Variants in LDLRAD4 observed in about 807,000 individuals in gnomAD.
LDLRAD4 encodes the protein low-density lipoprotein receptor class A domain-containing protein 4.
LDLRAD4 carries 5 observed loss-of-function variants against 17.0 expected under a neutral mutation model. That is an observed-to-expected ratio of 0.29 (90% confidence interval 0.15 to 0.62). The LOEUF is 0.62. Among genes scored for constraint, LDLRAD4 ranks in the 20% least tolerant of loss-of-function variants. LDLRAD4 has a pLI of 0.84. For missense variants in LDLRAD4, 340 were observed against 424.7 expected, an observed-to-expected ratio of 0.80 and a Z score of 1.75; for synonymous variants, 168 against 171.8, an observed-to-expected ratio of 0.98 and a Z score of 0.17.
intron 2 of LDLRAD4, among the ~76,000 whole-genome samples, chr18:13,413,364 C>T (rs770385586): frequency 3.9e-5 from 6 of 152,228 alleles, no homozygotes; most frequent in African/African-American, 7.2e-5. Context: ...TGTGTTTAAG[C>T]TGATAGAGAA....
intron 1 of LDLRAD4, among the ~76,000 whole-genome samples, chr18:13,299,126 G>A (rs78052932): frequency 0.14 from 21,106 of 152,174 alleles, 1,594 homozygotes; most frequent in South Asian, 0.19. Context: ...GTGTGAGATC[G>A]GAGCACCCTT....
At chr18:13,518,189 T>C (rs578163016) in intron 3 of LDLRAD4, among the ~76,000 whole-genome samples, 1 of 152,340 alleles carries the variant, frequency 6.6e-6, no homozygotes, top group African/African-American at 2.4e-5. Flanking sequence ...CCTCTTGTGA[T>C]GAGTTGTGGG....
At chr18:13,329,610 G>T (rs933147861) in intron 1 of LDLRAD4, among the ~76,000 whole-genome samples, 3 of 152,138 alleles carry the variant, frequency 2.0e-5, no homozygotes, top group Admixed American at 6.5e-5. Flanking sequence ...AATTCTTCCA[G>T]GTATTCTATT....
At position 13,612,038 on chromosome 18, in the gene LDLRAD4, G is replaced by A. The variant is rs887081497; in HGVS notation, c.182-9079G>A. On this transcript the variant is annotated intron_variant, in intron 3 of 5. Coordinates refer to ENST00000359446, the Ensembl canonical transcript of LDLRAD4. Reference sequence around the variant, plus strand: ...AGAAGCACGCGAGCCTAACGTGAGCGTCCCGCCTGTCGCGTGTCCTGCCTT... The same window carrying A: ...AGAAGCACGCGAGCCTAACGTGAGCATCCCGCCTGTCGCGTGTCCTGCCTT... The A allele has an allele frequency of 1.4e-5, 14 of 985,396 alleles. No homozygotes were observed. The African/African-American group carries it at 1.6e-4, about 11-fold the overall frequency. The allele number at this position is 985,396 out of a possible 1,614,324, so 61.0% of individuals were successfully genotyped here.
At chr18:13,277,610 G>T (rs2044967069), upstream of LDLRAD4, among the ~76,000 whole-genome samples, 1 of 152,266 alleles carries the variant, frequency 6.6e-6, no homozygotes, top group African/African-American at 2.4e-5. Flanking sequence ...TAGAGGGCTT[G>T]CCTCTTCCAT....
At chr18:13,581,543 T>C (rs2094857729) in intron 3 of LDLRAD4, among the ~76,000 whole-genome samples, 1 of 152,224 alleles carries the variant, frequency 6.6e-6, no homozygotes, top group Non-Finnish European at 1.5e-5. Flanking sequence ...AAACTAGAGA[T>C]CATCCAGCTA....
intron 1 of LDLRAD4, among the ~76,000 whole-genome samples, chr18:13,252,292 C>G (rs1370134239): frequency 6.6e-6 from 1 of 152,150 alleles, no homozygotes; most frequent in Non-Finnish European, 1.5e-5. Context: ...CCACACCCAG[C>G]TAATTTTTGT....
intron 1 of LDLRAD4, among the ~76,000 whole-genome samples, chr18:13,314,493 G>T (rs2080824383): frequency 6.6e-6 from 1 of 152,252 alleles, no homozygotes; most frequent in South Asian, 2.1e-4. Context: ...CCCACGCAGT[G>T]ATCTTGAAAA....
chr18:13,576,293 G>A (rs1264769994), intron 3 of LDLRAD4, among the ~76,000 whole-genome samples: 1 of 151,924 alleles, frequency 6.6e-6, no homozygotes, highest in African/African-American at 2.4e-5. Flanking sequence ...ATGGTGGCGG[G>A]CGCCTGTAGT....
At chr18:13,315,947 G>A (rs1272179562) in intron 1 of LDLRAD4, among the ~76,000 whole-genome samples, 2 of 152,078 alleles carry the variant, frequency 1.3e-5, no homozygotes, top group African/African-American at 4.8e-5. Context: ...TCCAGAGTGA[G>A]GCATAGAGAA....
chr18:13,339,544 A>G (rs909431693), intron 1 of LDLRAD4, among the ~76,000 whole-genome samples: 2 of 152,340 alleles, frequency 1.3e-5, no homozygotes, highest in Middle Eastern at 3.4e-3. Context: ...TGTAAAGACA[A>G]AAAGTTAGCA....
intron 1 of LDLRAD4, among the ~76,000 whole-genome samples, chr18:13,333,211 T>A (rs977791432): frequency 6.6e-6 from 1 of 152,262 alleles, no homozygotes; most frequent in East Asian, 1.9e-4. Flanking sequence ...CATCTCTATA[T>A]CTTTGAGAGA....
chr18:13,491,812 GT>G (rs1440796593), intron 3 of LDLRAD4, among the ~76,000 whole-genome samples: 1 of 152,150 alleles, frequency 6.6e-6, no homozygotes, highest in Non-Finnish European at 1.5e-5. Context: ...TTCCCATCAG[GT>G]GACAGTGTTT....
intron 1 of LDLRAD4, among the ~76,000 whole-genome samples, chr18:13,350,776 A>C (rs1322949423): frequency 6.6e-6 from 1 of 152,216 alleles, no homozygotes; most frequent in Non-Finnish European, 1.5e-5. Flanking sequence ...TTTACATTTA[A>C]GTTTTTAATC....
intron 5 of LDLRAD4, 52 bp downstream of exon 6, chr18:13,643,464 G>GGGGGGGGGGGGGGGC: frequency 3.5e-6 from 1 of 288,992 alleles, no homozygotes; most frequent in Non-Finnish European, 6.5e-6. Flanking sequence ...GGTGGGTGGG[G>GGGGGGGGGGGGGGGC]ATGAAGGGGG....
intron 3 of LDLRAD4, among the ~76,000 whole-genome samples, chr18:13,511,541 A>T (rs1370525759): frequency 6.6e-6 from 1 of 152,212 alleles, no homozygotes; most frequent in African/African-American, 2.4e-5. Flanking sequence ...ACAGGTTATC[A>T]GTGTACTATT....
intron 3 of LDLRAD4, among the ~76,000 whole-genome samples, chr18:13,451,126 G>A (rs931824542): frequency 6.6e-6 from 1 of 152,152 alleles, no homozygotes; most frequent in Admixed American, 6.5e-5. Flanking sequence ...CCACTTCAAG[G>A]TCACAAAAAT....
At chr18:13,596,140 T>C (rs2095092871) in intron 3 of LDLRAD4, among the ~76,000 whole-genome samples, 3 of 152,344 alleles carry the variant, frequency 2.0e-5, no homozygotes, top group South Asian at 4.1e-4. Context: ...TTATCCCTTG[T>C]AACTTTTTTT....
In LDLRAD4 at chr18:13,645,583, T is replaced by C. The variant is rs2042980641; in HGVS notation, c.847T>C (p.Phe283Leu). 1.1e-5 allele frequency: 17 copies of C among 1,597,036 alleles called. No individual in the cohort carries two copies. The highest frequency in any genetic ancestry group is 1.5e-5 in the Non-Finnish European group (17 of 1,172,362). The stretch of plus-strand genomic sequence containing the variant: ...CGCACACAGGGGCAGCAGACTGCAG[T>C]TTCAGCAGAACAATGCAGAGAGCAC... The change falls in exon 6 of 6, where the codon TTT becomes CTT. Residue 283 changes from phenylalanine (F) to leucine (L), a missense_variant. Coordinates refer to ENST00000359446, the Ensembl canonical transcript of LDLRAD4. This position sits in a 1 kb window ranked among gnomAD's most constrained non-coding sequence, Gnocchi z 5.7.
Sources: gnomAD v4.1 joint callset for allele counts (sites outside exome capture counted in the v4.1 genomes callset) on GRCh38, gnomAD v4.1.1 for gene constraint, Gnocchi (gnomAD v3.1) non-coding constraint, MANE v1.5 for transcripts, NCBI Gene and HGNC (gene_info 2026-07-23, HGNC 2026-07-21) for gene names.